ADAD1: variants seen among roughly 807,000 people sequenced by gnomAD.
ADAD1 encodes adenosine deaminase domain-containing protein 1.
A neutral mutation model predicts 66.8 loss-of-function variants in ADAD1; 46 were observed. That is an observed-to-expected ratio of 0.69 (90% CI 0.54 to 0.88). The LOEUF (loss-of-function observed/expected upper bound fraction) is 0.88, where lower values mean the gene tolerates loss of function less well. Ranked by LOEUF, ADAD1 falls within the 40% of genes least tolerant of loss-of-function variation. The pLI, the probability that ADAD1 is intolerant of heterozygous loss-of-function variation, is 0.00. For synonymous variants in ADAD1, 248 were observed against 229.4 expected (o/e 1.08, Z -0.73); for missense variants, 617 against 681.8 (o/e 0.91, Z 1.06).
rs1442605125 is a variant in ADAD1 at position 122,414,279 on chromosome 4, G to T, written c.1250-1100G>T. On this transcript the variant is annotated intron_variant, in intron 10 of 12. Transcript: ENST00000296513. Reference sequence around the variant, plus strand: ...TTTTCCAAATGTCTTTTTTTTTGGGGGGGGGGGTACAACTACTGTCATTAT... The same window carrying T: ...TTTTCCAAATGTCTTTTTTTTTGGGTGGGGGGGTACAACTACTGTCATTAT... Among the ~76,000 whole-genome samples the T allele has an allele frequency of 1.6e-5, 2 of 128,298 alleles. 1 individual carries two copies. The highest frequency in any genetic ancestry group is 1.5e-4 in the Admixed American group (2 of 12,924). The allele number at this position is 128,298 out of a possible 152,430, so 84.2% of individuals were successfully genotyped here. A position where few individuals can be genotyped will look rare whatever the true frequency, so the allele number is the denominator to read the frequency against.
intron 11 of ADAD1, among the ~76,000 whole-genome samples, chr4:122,415,973 A>G (rs539095412): frequency 9.9e-4 from 151 of 152,222 alleles, no homozygotes; most frequent in Middle Eastern, 3.4e-3. Context: ...TAGAAATTCA[A>G]TTTCTTCTAC....
intron 4 of ADAD1, 60 bp from the exon 5 acceptor site, chr4:122,383,739 C>A (rs1795018931): frequency 1.3e-6 from 2 of 1,509,642 alleles, no homozygotes; most frequent in Non-Finnish European, 1.8e-6. Flanking sequence ...TATGTACATA[C>A]ATTGTTTGCA....
At chr4:122,428,240 A>G (rs1389806449) in intron 12 of ADAD1, among the ~76,000 whole-genome samples, 1 of 152,160 alleles carries the variant, frequency 6.6e-6, no homozygotes, top group East Asian at 1.9e-4. Flanking sequence ...ATTATTAGGC[A>G]AATTTCTTAG....
intron 8 of ADAD1, among the ~76,000 whole-genome samples, chr4:122,408,882 C>CAA (rs11347269): frequency 4.2e-5 from 6 of 143,142 alleles, no homozygotes; most frequent in East Asian, 2.0e-4. Flanking sequence ...CATCTTGTCT[C>CAA]AAAAAAAAAA....
intron 4 of ADAD1, 44 bp downstream of exon 4, chr4:122,381,224 A>T: frequency 6.7e-7 from 1 of 1,495,776 alleles, no homozygotes; most frequent in Non-Finnish European, 8.9e-7. Context: ...AACGAAAAGT[A>T]TAGCAAAATA....
chr4:122,429,678 A>G lies in ADAD1; in HGVS notation c.1670A>G (p.Gln557Arg). The G allele has an allele frequency of 6.2e-7, 1 of 1,613,650 alleles. No homozygotes were observed. The highest frequency in any genetic ancestry group is 8.5e-7 in the Non-Finnish European group (1 of 1,179,722). ...AAATGTAAGTTGAAATCCTACTTAC[A>G]ACAACATGGCTATGGATCCTGGATT... ...EAKCKLKSYLQQHGYGSWIVK... is the reference protein window; with the variant it reads ...EAKCKLKSYLRQHGYGSWIVK... Residue 557 changes from glutamine to arginine, a missense_variant, in exon 13 of 13, where the codon CAA (glutamine) becomes CGA (arginine). Physicochemically the swap from Gln to Arg is conservative, Grantham distance 43. Coordinates refer to ENST00000296513, the MANE Select transcript of ADAD1 (RefSeq NM_139243.4).
intron 5 of ADAD1, among the ~76,000 whole-genome samples, chr4:122,386,500 A>G (rs1159150288): frequency 6.6e-6 from 1 of 151,162 alleles, no homozygotes; most frequent in African/African-American, 2.4e-5. Flanking sequence ...TGCCTGTTTG[A>G]TCACAGTTTC....
chr4:122,405,852 T>G (rs1796184857), intron 7 of ADAD1, among the ~76,000 whole-genome samples: 1 of 152,212 alleles, frequency 6.6e-6, no homozygotes, highest in South Asian at 2.1e-4. Flanking sequence ...TGTGTCTGGC[T>G]TACTTCACTT....
intron 4 of ADAD1, among the ~76,000 whole-genome samples, chr4:122,382,567 A>G (rs1794957561): frequency 6.6e-6 from 1 of 151,998 alleles, no homozygotes; most frequent in South Asian, 2.1e-4. Context: ...GCAGGCATCC[A>G]CCACCAGGCC....
intron 7 of ADAD1, among the ~76,000 whole-genome samples, chr4:122,396,641 C>A (rs1180884557): frequency 6.6e-6 from 1 of 152,114 alleles, no homozygotes; most frequent in Non-Finnish European, 1.5e-5. Flanking sequence ...GAAATCTAGT[C>A]CTCAGTAACA....
At chr4:122,399,459 A>G (rs1217054580) in intron 7 of ADAD1, among the ~76,000 whole-genome samples, 1 of 151,988 alleles carries the variant, frequency 6.6e-6, no homozygotes, top group Non-Finnish European at 1.5e-5. Context: ...AGTCTTACTT[A>G]GACTATGCAG....
intron 11 of ADAD1, among the ~76,000 whole-genome samples, chr4:122,416,232 T>G (rs915805946): frequency 8.5e-5 from 13 of 152,228 alleles, no homozygotes; most frequent in Admixed American, 6.5e-5. Context: ...CATTTTATTT[T>G]CAAAGCCCTT....
chr4:122,404,229 T>G (rs1361351022), intron 7 of ADAD1, among the ~76,000 whole-genome samples: 1 of 152,110 alleles, frequency 6.6e-6, no homozygotes, highest in African/African-American at 2.4e-5. Context: ...TTGGTCAAAA[T>G]TATTACAGAC....
chr4:122,428,750 A>G (rs997698272), intron 12 of ADAD1, among the ~76,000 whole-genome samples: 4 of 152,158 alleles, frequency 2.6e-5, no homozygotes, highest in African/African-American at 7.2e-5. Flanking sequence ...TAGGGCTGGT[A>G]CTGGCACCAG....
rs1457118451 is a variant in ADAD1, at chr4:122,379,457, G to C, written c.-9+12G>C. 2 of 152,584 alleles carry C rather than the reference G, an allele frequency of 1.3e-5. No homozygotes were observed. Among genetic ancestry groups the C allele is most frequent in the African/African-American group, 2.4e-5 (1 of 41,476 alleles). The allele number at this position is 152,584 out of a possible 1,614,324, so 9.5% of individuals were successfully genotyped here. A position where few individuals can be genotyped will look rare whatever the true frequency, so the allele number is the denominator to read the frequency against. ...CGGCCTCCGAGACGGTTAGTGATTG[G>C]ACGAAGCAGGGCGCGGGGGCGCAAG... is the stretch of plus-strand genomic sequence containing the variant. On this transcript the variant is annotated intron_variant, in intron 2 of 12. Coordinates refer to ENST00000296513, the MANE Select transcript of ADAD1 (RefSeq NM_139243.4).
intron 5 of ADAD1, among the ~76,000 whole-genome samples, chr4:122,388,277 C>T (rs1795271491): frequency 6.6e-6 from 1 of 152,134 alleles, no homozygotes; most frequent in South Asian, 2.1e-4. Context: ...GCCAGTATTT[C>T]ATTGAAGATT....
intron 7 of ADAD1, among the ~76,000 whole-genome samples, chr4:122,405,155 T>A (rs1796150083): frequency 6.6e-6 from 1 of 152,194 alleles, no homozygotes; most frequent in Non-Finnish European, 1.5e-5. Context: ...TCAGCATTCA[T>A]GGCATGACAT....
intron 7 of ADAD1, among the ~76,000 whole-genome samples, chr4:122,405,130 G>T (rs1405746935): frequency 3.3e-5 from 5 of 152,138 alleles, no homozygotes; most frequent in Non-Finnish European, 1.5e-5. Flanking sequence ...TACGGACCTG[G>T]TTATTGAGTC....
intron 12 of ADAD1, among the ~76,000 whole-genome samples, chr4:122,427,280 A>G (rs1312527826): frequency 6.6e-6 from 1 of 152,158 alleles, no homozygotes; most frequent in African/African-American, 2.4e-5. Flanking sequence ...AACACAGAGG[A>G]ATAAATTTAA....
Sources: allele counts gnomAD v4.1 joint callset (sites outside exome capture counted in the v4.1 genomes callset), GRCh38; gene constraint gnomAD v4.1.1; transcripts MANE v1.5; gene names NCBI Gene and HGNC (gene_info 2026-07-23, HGNC 2026-07-21).